NLRP14: variants seen among roughly 807,000 people sequenced by gnomAD.
NLRP14 encodes the protein NLR family pyrin domain containing 14.
In NLRP14, 105 loss-of-function variants were observed where a neutral mutation model predicts 94.7. The ratio of observed to expected loss-of-function variants is 1.11; its 90% confidence interval spans 0.95 to 1.30. NLRP14 has a LOEUF of 1.30. Among genes scored for constraint, NLRP14 ranks in the 50% most tolerant of loss-of-function variants. The pLI is 0.00. For missense variants in NLRP14, 1,362 were observed against 1,254.1 expected (o/e 1.09, Z -1.30); for synonymous variants, 508 against 459.9 (o/e 1.10, Z -1.34).
chr11:7,049,959 A>G, intron 6 of NLRP14, 121 bp downstream of exon 6: 2 of 833,176 alleles, frequency 2.4e-6, no homozygotes, highest in Middle Eastern at 2.5e-4. Context: ...CTTTCATGAT[A>G]TGGGGTAGCA....
At chr11:7,039,162 G>T (rs1852208345) in intron 2 of NLRP14, among the ~76,000 whole-genome samples, 1 of 152,044 alleles carries the variant, frequency 6.6e-6, no homozygotes, top group Non-Finnish European at 1.5e-5. Context: ...CCCATAAAGT[G>T]CCTTCACCAA....
downstream of NLRP14, among the ~76,000 whole-genome samples, chr11:7,074,805 A>G (rs1293782461): frequency 6.6e-6 from 1 of 152,224 alleles, no homozygotes; most frequent in African/African-American, 2.4e-5. Flanking sequence ...GAAGAGGTTT[A>G]GTATTTATAC....
chr11:7,058,889 T>C (rs1852565010), intron 8 of NLRP14, among the ~76,000 whole-genome samples: 1 of 152,000 alleles, frequency 6.6e-6, no homozygotes, highest in Non-Finnish European at 1.5e-5. Flanking sequence ...TTTTGTTAGA[T>C]AATTTTCTAA....
At chr11:7,053,918 C>T (rs1852479936) in intron 6 of NLRP14, among the ~76,000 whole-genome samples, 1 of 151,912 alleles carries the variant, frequency 6.6e-6, no homozygotes, top group South Asian at 2.1e-4. Flanking sequence ...TTTTTTTGTA[C>T]CCATTAACCA....
At chr11:7,079,255 A>G in the NLRP14 span, among the ~76,000 whole-genome samples, 1 of 151,924 alleles carries the variant, frequency 6.6e-6, no homozygotes, top group Non-Finnish European at 1.5e-5. Flanking sequence ...TGTTCCAGTT[A>G]CTCTCTTGGA....
At chr11:7,051,823 A>G (rs1002259854) in intron 6 of NLRP14, among the ~76,000 whole-genome samples, 1 of 152,230 alleles carries the variant, frequency 6.6e-6, no homozygotes, top group South Asian at 2.1e-4. Context: ...GGGTTTCACC[A>G]TGTTGGCCAG....
the NLRP14 span, among the ~76,000 whole-genome samples, chr11:7,088,175 T>C: frequency 2.3e-3 from 346 of 152,302 alleles, 2 homozygotes; most frequent in African/African-American, 8.2e-3. Context: ...ATATGGAACA[T>C]TAATTACACC....
At chr11:7,066,015 A>G (rs1411147956) in intron 10 of NLRP14, among the ~76,000 whole-genome samples, 1 of 152,154 alleles carries the variant, frequency 6.6e-6, no homozygotes, top group African/African-American at 2.4e-5. Flanking sequence ...AGCTTCATCC[A>G]TGTCCCTGCA....
intron 1 of NLRP14, among the ~76,000 whole-genome samples, chr11:7,033,397 C>T (rs912352249): frequency 2.6e-5 from 4 of 152,162 alleles, no homozygotes; most frequent in African/African-American, 9.7e-5. Flanking sequence ...TAATATCTTG[C>T]ATTACTATGG....
At chr11:7,028,146 C>A (rs1423858491) in intron 1 of NLRP14, among the ~76,000 whole-genome samples, 1 of 152,150 alleles carries the variant, frequency 6.6e-6, no homozygotes, top group Non-Finnish European at 1.5e-5. Flanking sequence ...AATTCTAACT[C>A]CAAACTCCTT....
At chr11:7,029,088 A>G (rs1399539182) in intron 1 of NLRP14, among the ~76,000 whole-genome samples, 1 of 152,184 alleles carries the variant, frequency 6.6e-6, no homozygotes, top group East Asian at 1.9e-4. Flanking sequence ...TTCAATGTGT[A>G]TTGTTTATTG....
chr11:7,037,135 C>A (rs1335515325), intron 1 of NLRP14, among the ~76,000 whole-genome samples: 1 of 152,220 alleles, frequency 6.6e-6, no homozygotes, highest in African/African-American at 2.4e-5. Flanking sequence ...ACCATATTCT[C>A]TATGTCCTGG....
chr11:7,064,440 T>C (rs1278808197), intron 10 of NLRP14, among the ~76,000 whole-genome samples: 1 of 152,028 alleles, frequency 6.6e-6, no homozygotes, highest in Non-Finnish European at 1.5e-5. Flanking sequence ...AGGTGTTGGA[T>C]CTAGGAGAAA....
In NLRP14 at chr11:7,070,457, G is replaced by A. The variant is rs2097387938; in HGVS notation, c.3146+1G>A. The A allele has an allele frequency of 1.2e-6, 2 of 1,609,018 alleles. No homozygotes were observed. Among genetic ancestry groups the A allele is most frequent in the Non-Finnish European group, 1.7e-6 (2 of 1,175,966 alleles). On this transcript the variant is annotated splice_donor_variant, in intron 11 of 11. Coordinates refer to ENST00000299481, the MANE Select transcript of NLRP14 (RefSeq NM_176822.4). LOFTEE classifies it high-confidence loss of function. Reference sequence around the variant, plus strand: ...CTAAGTGTAAACTACAAGTTCTAGGGTAAGTCTCCATTGGCTTCTCAGGGG... The same window carrying A: ...CTAAGTGTAAACTACAAGTTCTAGGATAAGTCTCCATTGGCTTCTCAGGGG...
chr11:7,085,100 G>A, the NLRP14 span, among the ~76,000 whole-genome samples: 10 of 152,122 alleles, frequency 6.6e-5, no homozygotes, highest in African/African-American at 2.4e-4. Flanking sequence ...CATATTTACT[G>A]TGGTAAAATA....
chr11:7,047,123 T>C (rs1276000873), intron 5 of NLRP14, among the ~76,000 whole-genome samples: 1 of 152,170 alleles, frequency 6.6e-6, no homozygotes, highest in East Asian at 1.9e-4. Context: ...CCAATGCACT[T>C]TCAAGGACAT....
At position 7,043,909 on chromosome 11, in the gene NLRP14, T is replaced by A. The variant is rs769475976; in HGVS notation, c.1883T>A (p.Leu628Ter). Residue 628 changes from leucine (L) to a stop codon, truncating the protein, a stop_gained, in exon 4 of 12, where the codon TTG (leucine) becomes TAG (stop). Transcript: ENST00000299481. LOFTEE classifies it high-confidence loss of function. ...TTCTGCCTTAAGCACTGCCGGTGTT[T>A]GCGGACCATCAGGCTGTCTGTAACT... is the stretch of plus-strand genomic sequence containing the variant. ...SSFCLKHCRC[L>*]RTIRLSVTVV... 4 of 1,614,060 alleles carry A rather than the reference T, an allele frequency of 2.5e-6. No individual in the cohort carries two copies. Among genetic ancestry groups the A allele is most frequent in the Admixed American group, 3.3e-5 (2 of 60,000 alleles).
chr11:7,021,953 A>G (rs1851950104), intron 1 of NLRP14, among the ~76,000 whole-genome samples: 1 of 151,826 alleles, frequency 6.6e-6, no homozygotes, highest in Admixed American at 6.6e-5. Context: ...CAAAATTAAA[A>G]GAAAAAAAAA....
chr11:7,045,890 T>A (rs926180216), intron 4 of NLRP14, among the ~76,000 whole-genome samples: 5 of 152,144 alleles, frequency 3.3e-5, no homozygotes, highest in Non-Finnish European at 5.9e-5. Flanking sequence ...TATCTTCATT[T>A]ATCAAGATCA....
Sources: allele counts gnomAD v4.1 joint callset (sites outside exome capture counted in the v4.1 genomes callset), GRCh38; gene constraint gnomAD v4.1.1; transcripts MANE v1.5; gene names NCBI Gene and HGNC (gene_info 2026-07-23, HGNC 2026-07-21).